HPSE2: variants seen among roughly 807,000 people sequenced by gnomAD.
HPSE2 encodes the protein heparanase 2 (inactive), also known as inactive heparanase-2.
In HPSE2, 38 loss-of-function variants were observed where a neutral mutation model predicts 60.5. The ratio of observed to expected loss-of-function variants is 0.63; its 90% CI spans 0.48 to 0.82. HPSE2 has a LOEUF of 0.82. Ranked by LOEUF, HPSE2 falls within the 40% of genes least tolerant of loss-of-function variation. The pLI is 0.00. For synonymous variants in HPSE2, 295 were observed against 293.2 expected, an observed-to-expected ratio of 1.01 and a Z score of -0.06; for missense variants, 713 against 740.4, an observed-to-expected ratio of 0.96 and a Z score of 0.43.
In HPSE2 at chr10:98,534,726, A is replaced by G. The variant is rs577427437; in HGVS notation, c.1321-44530T>C. 3.2e-4 allele frequency among the ~76,000 whole-genome samples: 49 copies of G among 152,320 alleles called. 1 individual carries two copies. The highest frequency in any genetic ancestry group is 1.1e-3 in the African/African-American group (47 of 41,572). On this transcript the variant is annotated intron_variant, in intron 9 of 11. Transcript: ENST00000370552. Reference sequence around the variant, plus strand: ...AGCCTATTCATTAGTTTTGGCATCAAATAACTTTTGTCTATTTTGAAAAAT... The same window carrying G: ...AGCCTATTCATTAGTTTTGGCATCAGATAACTTTTGTCTATTTTGAAAAAT...
chr10:99,001,773 T>C (rs1053144234), intron 3 of HPSE2, among the ~76,000 whole-genome samples: 5 of 152,190 alleles, frequency 3.3e-5, no homozygotes, highest in Middle Eastern at 3.4e-3. Context: ...GTAAAAAATA[T>C]GACATAAATT....
At chr10:98,792,547 A>G (rs1230926991) in intron 3 of HPSE2, among the ~76,000 whole-genome samples, 1 of 152,054 alleles carries the variant, frequency 6.6e-6, no homozygotes. Context: ...TTTTGAACTT[A>G]CAGTGCCTGA....
At chr10:98,943,486 C>A (rs967760296) in intron 3 of HPSE2, among the ~76,000 whole-genome samples, 8 of 152,076 alleles carry the variant, frequency 5.3e-5, no homozygotes, top group Non-Finnish European at 7.4e-5. Flanking sequence ...ATGATCCCCA[C>A]CCCTTCGTAT....
intron 3 of HPSE2, among the ~76,000 whole-genome samples, chr10:98,816,032 T>TG (rs557937627): frequency 6.8e-5 from 1 of 14,604 alleles, no homozygotes; most frequent in South Asian, 2.3e-3. Flanking sequence ...TGTTGTGGGG[T>TG]GGGGGGGAGG....
the HPSE2 span, among the ~76,000 whole-genome samples, chr10:99,307,684 T>C: frequency 6.6e-6 from 1 of 152,216 alleles, no homozygotes; most frequent in Non-Finnish European, 1.5e-5. Flanking sequence ...AGGCTCATGT[T>C]AAACCCAGGA....
At chr10:99,235,953 C>A, upstream of HPSE2, 3 of 654,110 alleles carry the variant, frequency 4.6e-6, no homozygotes, top group Non-Finnish European at 8.3e-6. Context: ...CTCTCTCTCC[C>A]GCTCTCTCTC....
intron 2 of HPSE2, among the ~76,000 whole-genome samples, chr10:99,178,101 T>G (rs758783113): frequency 1.2e-4 from 18 of 151,880 alleles, no homozygotes; most frequent in Non-Finnish European, 2.4e-4. Context: ...CCAGAATCTC[T>G]GGGACACAGC....
At chr10:99,208,155 T>C (rs893305532) in intron 2 of HPSE2, among the ~76,000 whole-genome samples, 1 of 151,820 alleles carries the variant, frequency 6.6e-6, no homozygotes, top group Non-Finnish European at 1.5e-5. Context: ...TAATGTACCA[T>C]AGTAACTGAA....
intron 3 of HPSE2, among the ~76,000 whole-genome samples, chr10:98,955,027 G>T (rs1294297838): frequency 1.3e-5 from 2 of 149,016 alleles, no homozygotes; most frequent in African/African-American, 4.9e-5. Flanking sequence ...AGGCTAGAAA[G>T]ACCTATTTAT....
chr10:99,023,113 C>T (rs1359522791), intron 3 of HPSE2, among the ~76,000 whole-genome samples: 1 of 152,044 alleles, frequency 6.6e-6, no homozygotes. Flanking sequence ...AGAGGAGAAA[C>T]TAATGCCCTG....
At chr10:99,263,017 C>T in the HPSE2 span, among the ~76,000 whole-genome samples, 6 of 152,200 alleles carry the variant, frequency 3.9e-5, no homozygotes, top group Non-Finnish European at 8.8e-5. Flanking sequence ...GGACCGTGCC[C>T]TGTAGCCTTT....
chr10:98,815,866 T>C (rs984993283), intron 3 of HPSE2, among the ~76,000 whole-genome samples: 3 of 152,076 alleles, frequency 2.0e-5, no homozygotes, highest in African/African-American at 7.2e-5. Flanking sequence ...GATGAGTTCA[T>C]GTCCTTTGTA....
chr10:98,938,505 T>A (rs1371125087), intron 3 of HPSE2, among the ~76,000 whole-genome samples: 1 of 143,030 alleles, frequency 7.0e-6, no homozygotes, highest in African/African-American at 2.9e-5. Context: ...GAAGATGAAA[T>A]GAATGAAATG....
At chr10:98,952,812 CTCT>C (rs935681074) in intron 3 of HPSE2, among the ~76,000 whole-genome samples, 1 of 152,080 alleles carries the variant, frequency 6.6e-6, no homozygotes, top group Non-Finnish European at 1.5e-5. Flanking sequence ...TGCATGATCT[CTCT>C]TCTTCTTATA....
At chr10:98,468,075 G>A (rs1940623997) in intron 11 of HPSE2, among the ~76,000 whole-genome samples, 1 of 152,272 alleles carries the variant, frequency 6.6e-6, no homozygotes, top group Admixed American at 6.5e-5. Context: ...CTCGCTGAGC[G>A]AGGAAGCTGG....
At chr10:98,461,643 G>A (rs149198468) in intron 11 of HPSE2, 8 of 677,946 alleles carry the variant, frequency 1.2e-5, no homozygotes, top group South Asian at 6.3e-5. Context: ...AGTCAAACAC[G>A]AGTTCAATAA....
chr10:98,513,839 G>A (rs1326572819), intron 9 of HPSE2, among the ~76,000 whole-genome samples: 1 of 152,146 alleles, frequency 6.6e-6, no homozygotes, highest in Non-Finnish European at 1.5e-5. Flanking sequence ...CTAGGTAAAA[G>A]TTTGGTGGTT....
chr10:99,124,822 A>T (rs558046648), intron 3 of HPSE2, among the ~76,000 whole-genome samples: 34 of 152,224 alleles, frequency 2.2e-4, no homozygotes, highest in Admixed American at 9.8e-4. Flanking sequence ...GTCTGGAAAG[A>T]TGGGGCTCCC....
At chr10:98,688,463 TTCTTTTTTTTTTTC>T (rs1389239425) in intron 6 of HPSE2, among the ~76,000 whole-genome samples, 1 of 72,606 alleles carries the variant, frequency 1.4e-5, no homozygotes, top group Non-Finnish European at 3.3e-5. Context: ...CCTTTAGCAT[TTCTTTTTTTTTTTC>T]TTTTTTTTTT....
Sources: gnomAD v4.1 joint callset for allele counts (sites outside exome capture counted in the v4.1 genomes callset) on GRCh38, gnomAD v4.1.1 for gene constraint, MANE v1.5 for transcripts, NCBI Gene and HGNC (gene_info 2026-07-23, HGNC 2026-07-21) for gene names.